Variants in ZFAT observed in about 807,000 individuals in gnomAD.
The protein encoded by ZFAT is zinc finger protein ZFAT.
ZFAT carries 64 observed loss-of-function variants against 117.7 expected under a neutral mutation model. The observed-to-expected ratio is 0.54, with a 90% CI of 0.44 to 0.67. The LOEUF is 0.67. Ranked by LOEUF, ZFAT falls within the 30% of genes least tolerant of loss-of-function variation. The pLI, the probability that ZFAT is intolerant of heterozygous loss-of-function variation, is 0.00. For missense variants in ZFAT, 1,433 were observed against 1,584.5 expected (o/e 0.90, Z 1.62); for synonymous variants, 679 against 615.0 (o/e 1.10, Z -1.54).
chr8:134,700,340 A>G (rs1833976460), intron 1 of ZFAT, among the ~76,000 whole-genome samples: 1 of 152,122 alleles, frequency 6.6e-6, no homozygotes, highest in South Asian at 2.1e-4. Context: ...CAAACACCCA[A>G]CTCAGCAAGA....
chr8:134,823,362 ATTGAT>A, the ZFAT span, among the ~76,000 whole-genome samples: 1 of 152,336 alleles, frequency 6.6e-6, no homozygotes, highest in South Asian at 2.1e-4. Flanking sequence ...CACAATAAAT[ATTGAT>A]TTAAGAAGCC....
At chr8:134,600,018 C>T in intron 7 of ZFAT, 1 of 366,584 alleles carries the variant, frequency 2.7e-6, no homozygotes, top group Non-Finnish European at 5.3e-6. Flanking sequence ...TATGCTCTTA[C>T]TCTGAACCAA....
intron 3 of ZFAT, among the ~76,000 whole-genome samples, chr8:134,615,911 A>G (rs751287810): frequency 3.3e-5 from 5 of 152,234 alleles, no homozygotes; most frequent in Admixed American, 6.5e-5. Context: ...TGAGCCCTGG[A>G]GCACTGTGAA....
chr8:134,739,579 G>C, the ZFAT span, among the ~76,000 whole-genome samples: 1 of 152,070 alleles, frequency 6.6e-6, no homozygotes, highest in African/African-American at 2.4e-5. Flanking sequence ...TCATCTTCTG[G>C]GATGAAAAAT....
At chr8:134,607,787 A>G (rs1335680766) in intron 5 of ZFAT, among the ~76,000 whole-genome samples, 1 of 152,252 alleles carries the variant, frequency 6.6e-6, no homozygotes, top group East Asian at 1.9e-4. Flanking sequence ...TCTGGGGATC[A>G]GAGTTTGTTA....
intron 1 of ZFAT, among the ~76,000 whole-genome samples, chr8:134,676,255 C>CAAAAAAAAA (rs146638821): frequency 5.0e-5 from 4 of 80,600 alleles, no homozygotes; most frequent in African/African-American, 5.0e-5. Context: ...AAATGGAAAG[C>CAAAAAAAAA]AAAAAAAAAA....
chr8:134,682,944 C>T lies in ZFAT; in HGVS notation c.20-25207G>A, dbSNP rs114901272. 6.8e-3 allele frequency among the ~76,000 whole-genome samples: 1,042 copies of T among 152,324 alleles called. 13 individuals carry two copies. The highest frequency in any genetic ancestry group is 0.024 in the African/African-American group (989 of 41,556). On this transcript the variant is annotated intron_variant, in intron 1 of 15. Coordinates refer to ENST00000377838, the MANE Select transcript of ZFAT (RefSeq NM_020863.4). ...CCAGAGGCTTTCGTACTCCCTCTCA[C>T]ATTTGATCTGGACAAGCTGGGTTGC...
intron 9 of ZFAT, 97 bp downstream of exon 9, chr8:134,588,149 G>A (rs1826200505): frequency 2.2e-6 from 3 of 1,350,020 alleles, no homozygotes; most frequent in Non-Finnish European, 3.0e-6. Context: ...CTAACAGCAG[G>A]GATGTGAAGA....
At chr8:134,695,359 T>C (rs1427704376) in intron 1 of ZFAT, among the ~76,000 whole-genome samples, 1 of 152,140 alleles carries the variant, frequency 6.6e-6, no homozygotes, top group Admixed American at 6.5e-5. Context: ...ACTCCCCGGC[T>C]GCCAGGCCCA....
chr8:134,566,973 T>C (rs1824514420), intron 10 of ZFAT, among the ~76,000 whole-genome samples: 2 of 152,188 alleles, frequency 1.3e-5, no homozygotes, highest in Non-Finnish European at 2.9e-5. Context: ...TTCCACAGTG[T>C]TCCAGCCCAC....
intron 2 of ZFAT, among the ~76,000 whole-genome samples, chr8:134,639,449 G>A (rs1008654014): frequency 2.6e-5 from 4 of 152,086 alleles, no homozygotes; most frequent in African/African-American, 9.7e-5. Context: ...ATCTCCCTGG[G>A]GCATGGTGGG....
In ZFAT at chr8:134,684,860, C is replaced by T. The variant is rs1287334124; in HGVS notation, c.20-27123G>A. Among the ~76,000 whole-genome samples the T allele has an allele frequency of 2.6e-5, 4 of 151,992 alleles. No homozygotes were observed. The East Asian group carries it at 7.7e-4, about 29-fold the overall frequency. Reference sequence around the variant, plus strand: ...GAACTGCAAATGTGGGGGCTGGGTGCGAGGAGTGCCCAGGTGAGCAGACAG... The same window carrying T: ...GAACTGCAAATGTGGGGGCTGGGTGTGAGGAGTGCCCAGGTGAGCAGACAG... On this transcript the variant is annotated intron_variant, in intron 1 of 15. Transcript: ENST00000377838.
chr8:134,593,480 C>A (rs962657507), intron 7 of ZFAT, among the ~76,000 whole-genome samples: 2 of 152,132 alleles, frequency 1.3e-5, no homozygotes, highest in Non-Finnish European at 2.9e-5. Context: ...GAGCTCCCAG[C>A]AGAGATGGAG....
chr8:134,563,757 A>G (rs564313307), intron 11 of ZFAT, among the ~76,000 whole-genome samples: 1 of 152,258 alleles, frequency 6.6e-6, no homozygotes, highest in South Asian at 2.1e-4. Flanking sequence ...CCTGCACGCA[A>G]TGGATGTTCA....
chr8:134,568,289 C>T (rs1824624881), intron 10 of ZFAT, among the ~76,000 whole-genome samples: 1 of 152,290 alleles, frequency 6.6e-6, no homozygotes, highest in South Asian at 2.1e-4. Context: ...ACACAAGTTA[C>T]AATTAGAGAG....
At chr8:134,587,282 A>G (rs1826133508) in intron 9 of ZFAT, among the ~76,000 whole-genome samples, 1 of 152,158 alleles carries the variant, frequency 6.6e-6, no homozygotes, top group South Asian at 2.1e-4. Context: ...TAGAGTGTTC[A>G]TTATATGCTG....
chr8:134,568,487 G>A (rs539831673), intron 10 of ZFAT, among the ~76,000 whole-genome samples: 1 of 152,328 alleles, frequency 6.6e-6, no homozygotes, highest in South Asian at 2.1e-4. Flanking sequence ...TAGAGTGGGG[G>A]AAGCAGAGCT....
At chr8:134,807,840 AAAAAG>A in the ZFAT span, among the ~76,000 whole-genome samples, 3 of 152,172 alleles carry the variant, frequency 2.0e-5, no homozygotes, top group Non-Finnish European at 4.4e-5. Flanking sequence ...AGACAAAAAG[AAAAAG>A]AAAACATTAT....
At chr8:134,481,912 C>T (rs948094917) in intron 15 of ZFAT, among the ~76,000 whole-genome samples, 5 of 152,206 alleles carry the variant, frequency 3.3e-5, no homozygotes, top group African/African-American at 4.8e-5. Context: ...AAAGAACAGG[C>T]GTGTGCCCTA....
Sources: allele counts gnomAD v4.1 joint callset (sites outside exome capture counted in the v4.1 genomes callset), GRCh38; gene constraint gnomAD v4.1.1; transcripts MANE v1.5; gene names NCBI Gene and HGNC (gene_info 2026-07-23, HGNC 2026-07-21).